The following CLCA2 variants were observed in gnomAD, a reference collection of about 807,000 sequenced individuals.
CLCA2 encodes chloride channel accessory 2.
A neutral mutation model predicts 82.9 loss-of-function variants in CLCA2; 85 were observed. The observed-to-expected ratio is 1.03, with a 90% CI of 0.86 to 1.23. The LOEUF (loss-of-function observed/expected upper bound fraction) is 1.23. Ranked by LOEUF, CLCA2 falls within the 50% of genes most tolerant of loss-of-function variation. CLCA2 has a pLI of 0.00. For synonymous variants in CLCA2, 421 were observed against 391.7 expected, an observed-to-expected ratio of 1.07 and a Z score of -0.88; for missense variants, 1,089 against 1,124.8, an observed-to-expected ratio of 0.97 and a Z score of 0.45.
Position 86,447,682 on chromosome 1 carries a change from C to G in CLCA2, c.1888C>G (p.Gln630Glu), listed in dbSNP as rs1048199502. The change falls in exon 11 of 14, where the codon CAG (glutamine) becomes GAG (glutamate). Residue 630 changes from glutamine to glutamate, a missense_variant. Physicochemically the swap from Gln to Glu is conservative, Grantham distance 29 (BLOSUM62 2). Transcript: ENST00000370565. ...HPVMIYANVK[Q>E]GFYPILNATV... ...TGTGATGATTTATGCCAATGTGAAACAGGGATTTTATCCCATTCTTAATGC... is the reference window on the plus strand; with the variant it reads ...TGTGATGATTTATGCCAATGTGAAAGAGGGATTTTATCCCATTCTTAATGC... 1 of 1,614,110 alleles carries G rather than the reference C, an allele frequency of 6.2e-7. No homozygotes were observed.
chr1:86,449,432 T>C (rs1177480097), intron 11 of CLCA2, among the ~76,000 whole-genome samples: 2 of 152,192 alleles, frequency 1.3e-5, no homozygotes, highest in Admixed American at 6.5e-5. Flanking sequence ...GTGGCAGTGG[T>C]GACTTTAATA....
chr1:86,444,366 G>A (rs1322643529), intron 10 of CLCA2, among the ~76,000 whole-genome samples: 1 of 152,148 alleles, frequency 6.6e-6, no homozygotes, highest in Non-Finnish European at 1.5e-5. Flanking sequence ...ATGAATACAT[G>A]CAATGCATGT....
intron 10 of CLCA2, among the ~76,000 whole-genome samples, chr1:86,444,281 A>G (rs1298079109): frequency 6.6e-6 from 1 of 152,206 alleles, no homozygotes; most frequent in Non-Finnish European, 1.5e-5. Flanking sequence ...TCTAGCCTAC[A>G]TATTTCTTTA....
intron 10 of CLCA2, among the ~76,000 whole-genome samples, chr1:86,444,906 G>GTTGTTT (rs1662817778): frequency 6.6e-6 from 1 of 151,740 alleles, no homozygotes. Flanking sequence ...TGTTGTTGTT[G>GTTGTTT]TTGTTGTTGA....
At chr1:86,449,430 G>T (rs1662917809) in intron 11 of CLCA2, among the ~76,000 whole-genome samples, 1 of 152,030 alleles carries the variant, frequency 6.6e-6, no homozygotes, top group Non-Finnish European at 1.5e-5. Context: ...AGGTGGCAGT[G>T]GTGACTTTAA....
Position 86,424,357 on chromosome 1 carries a change from A to T in CLCA2, c.110A>T (p.Asp37Val), listed in dbSNP as rs1033580802. 3.7e-6 allele frequency: 6 copies of T among 1,613,878 alleles called. No homozygotes were observed. In the African/African-American group the frequency reaches 6.7e-5, roughly 18 times the overall value. Residue 37 changes from aspartate (D) to valine (V), a missense_variant, in exon 1 of 14, where the codon GAC (aspartate) becomes GTC (valine). Asp to Val is a radical substitution (Grantham distance 152, BLOSUM62 -3). Coordinates refer to ENST00000370565, the MANE Select transcript of CLCA2 (RefSeq NM_006536.7). ...PFLGAGVQLQ[D>V]NGYNGLLIAI... ...CTGGGAGCTGGAGTACAGCTTCAAG[A>T]CAATGGGTATAATGGATTGCTCATT... is the stretch of plus-strand genomic sequence containing the variant.
rs1185646045 is a variant in CLCA2, at chr1:86,447,565, G to T, written c.1771G>T (p.Val591Leu). 2.5e-6 allele frequency: 4 copies of T among 1,614,142 alleles called. No homozygotes were observed. Among genetic ancestry groups the T allele is most frequent in the Non-Finnish European group, 3.4e-6 (4 of 1,180,018 alleles). The stretch of plus-strand genomic sequence containing the variant: ...CCATCATTCTCTGCAAGCCCTGAAA[G>T]TGACAGTGACCTCTCGCGCCTCCAA... ...NTHHSLQALK[V>L]TVTSRASNSA... Residue 591 changes from valine to leucine, a missense_variant, in exon 11 of 14, where the codon GTG (valine) becomes TTG (leucine). Transcript: ENST00000370565.
intron 2 of CLCA2, among the ~76,000 whole-genome samples, chr1:86,426,320 A>G (rs1570250203): frequency 6.6e-6 from 1 of 152,268 alleles, no homozygotes; most frequent in East Asian, 1.9e-4. Context: ...TGACTCAAAC[A>G]TGTGGTACAG....
intron 12 of CLCA2, among the ~76,000 whole-genome samples, chr1:86,452,993 T>C (rs1663004160): frequency 6.6e-6 from 1 of 152,036 alleles, no homozygotes; most frequent in Non-Finnish European, 1.5e-5. Context: ...GCCAACATGG[T>C]GAAACCCTGT....
chr1:86,426,240 G>A (rs1662383096), intron 2 of CLCA2, among the ~76,000 whole-genome samples: 1 of 152,272 alleles, frequency 6.6e-6, no homozygotes, highest in South Asian at 2.1e-4. Context: ...AGAAGTAGAG[G>A]CATTGGCAAC....
chr1:86,441,002 A>G (rs1019431260), intron 8 of CLCA2, among the ~76,000 whole-genome samples: 1 of 152,222 alleles, frequency 6.6e-6, no homozygotes, highest in Non-Finnish European at 1.5e-5. Flanking sequence ...GAATAATTTT[A>G]TCTTATATTC....
At chr1:86,433,903 A>G (rs139146621) in intron 5 of CLCA2, among the ~76,000 whole-genome samples, 89 of 152,334 alleles carry the variant, frequency 5.8e-4, no homozygotes, top group African/African-American at 1.9e-3. Flanking sequence ...TAGCAATGCA[A>G]ACCATATTTT....
At chr1:86,438,807 A>C (rs1662663143) in intron 6 of CLCA2, 69 bp from the exon 7 acceptor site, 1 of 1,268,798 alleles carries the variant, frequency 7.9e-7, no homozygotes, top group Admixed American at 1.7e-5. Flanking sequence ...TTGCTAATTG[A>C]GTTACTTCAT....
At chr1:86,434,208 A>ATTGTT (rs1355562541) in intron 5 of CLCA2, among the ~76,000 whole-genome samples, 2 of 151,740 alleles carry the variant, frequency 1.3e-5, no homozygotes, top group Admixed American at 6.6e-5. Flanking sequence ...GAAGAGGGAG[A>ATTGTT]TTGTTTTGTT....
chr1:86,430,106 G>A (rs1210716522), intron 3 of CLCA2, among the ~76,000 whole-genome samples: 1 of 151,774 alleles, frequency 6.6e-6, no homozygotes, highest in Non-Finnish European at 1.5e-5. Flanking sequence ...AAATAATTCA[G>A]AAAAAAGAAA....
intron 8 of CLCA2, among the ~76,000 whole-genome samples, chr1:86,440,669 G>A (rs1316430277): frequency 1.3e-5 from 2 of 152,180 alleles, no homozygotes; most frequent in African/African-American, 4.8e-5. Context: ...GGGAGGCTGA[G>A]GTGGGCAGAT....
At chr1:86,446,216 C>CTTTTTTTT (rs3086658) in intron 10 of CLCA2, among the ~76,000 whole-genome samples, 2 of 108,520 alleles carry the variant, frequency 1.8e-5, no homozygotes, top group Admixed American at 9.9e-5. Flanking sequence ...GCTGTGGGAA[C>CTTTTTTTT]TTTTTTTTTT....
rs2101711598 is a variant in CLCA2 at position 86,450,625 on chromosome 1, G to A, written c.2047G>A (p.Gly683Ser). 2 of 1,613,112 alleles carry A rather than the reference G, an allele frequency of 1.2e-6. No individual in the cohort carries two copies. Among genetic ancestry groups the A allele is most frequent in the Non-Finnish European group, 1.7e-6 (2 of 1,179,416 alleles). The change falls in exon 12 of 14, where the codon GGT becomes AGT. Residue 683 changes from glycine (G) to serine (S), a missense_variant. Coordinates refer to ENST00000370565, the MANE Select transcript of CLCA2 (RefSeq NM_006536.7). ...SRYFFSFAAN[G>S]RYSLKVHVNH... ...GTATTTTTTCTCCTTTGCTGCAAAT[G>A]GTAGATATAGCTTGAAAGTGCATGT...
intron 13 of CLCA2, 103 bp downstream of exon 13, chr1:86,453,705 A>G: frequency 9.7e-7 from 1 of 1,032,550 alleles, no homozygotes; most frequent in Non-Finnish European, 1.4e-6. Context: ...ATTGTTGTGA[A>G]AAGCTCTGAG....
Sources: gnomAD v4.1 joint callset for allele counts (sites outside exome capture counted in the v4.1 genomes callset) on GRCh38, gnomAD v4.1.1 for gene constraint, MANE v1.5 for transcripts, NCBI Gene and HGNC (gene_info 2026-07-23, HGNC 2026-07-21) for gene names.